The following DRC9 variants were observed in gnomAD, a reference collection of about 807,000 sequenced individuals.
DRC9 encodes the protein dynein regulatory complex protein 9.
the DRC9 span, among the ~76,000 whole-genome samples, chr3:197,892,956 A>G: frequency 6.6e-6 from 1 of 152,178 alleles, no homozygotes; most frequent in South Asian, 2.1e-4. Flanking sequence ...GATGCTGTAA[A>G]TGTTCTCTGT....
the DRC9 span, among the ~76,000 whole-genome samples, chr3:197,923,268 A>G: frequency 6.6e-6 from 1 of 152,196 alleles, no homozygotes; most frequent in African/African-American, 2.4e-5. Context: ...ACAGATGTGT[A>G]CTACCACATC....
the DRC9 span, among the ~76,000 whole-genome samples, chr3:197,892,115 C>G: frequency 6.6e-6 from 1 of 152,212 alleles, no homozygotes; most frequent in African/African-American, 2.4e-5. Context: ...GTCTCAAACT[C>G]CTGATCTCTA....
chr3:197,948,579 C>T, the DRC9 span, among the ~76,000 whole-genome samples: 2 of 152,204 alleles, frequency 1.3e-5, no homozygotes, highest in African/African-American at 4.8e-5. Context: ...TTATTCCTCC[C>T]AGGAGGACTT....
the DRC9 span, chr3:197,892,846 T>G: frequency 2.2e-5 from 34 of 1,514,132 alleles, 1 homozygote; most frequent in Non-Finnish European, 3.1e-5. Context: ...GTTTCAAGAT[T>G]AAGCAGAACA....
At chr3:197,929,147 G>A in the DRC9 span, among the ~76,000 whole-genome samples, 1 of 152,180 alleles carries the variant, frequency 6.6e-6, no homozygotes, top group African/African-American at 2.4e-5. The surrounding 1 kb of genome is among the most constrained non-coding windows in gnomAD (Gnocchi z 4.6). Flanking sequence ...GCTAAAAACA[G>A]GGGGACCAAA....
chr3:197,889,812 G>T, the DRC9 span: 1 of 1,386,210 alleles, frequency 7.2e-7, no homozygotes, highest in Non-Finnish European at 1.0e-6. Flanking sequence ...ACTTCTGTCT[G>T]ACAAACAGTC....
the DRC9 span, among the ~76,000 whole-genome samples, chr3:197,920,595 C>T: frequency 6.6e-6 from 1 of 152,120 alleles, no homozygotes; most frequent in Admixed American, 6.6e-5. Context: ...GGCCTGGTGG[C>T]ATGTGTTTTA....
chr3:197,931,833 G>C, the DRC9 span, among the ~76,000 whole-genome samples: 1 of 151,858 alleles, frequency 6.6e-6, no homozygotes, highest in African/African-American at 2.4e-5. Flanking sequence ...CACCGTGTTA[G>C]CCAGGATGGT....
At chr3:197,922,114 GTTTC>G in the DRC9 span, among the ~76,000 whole-genome samples, 2 of 152,228 alleles carry the variant, frequency 1.3e-5, no homozygotes, top group East Asian at 1.9e-4. Flanking sequence ...TCTAGTCTTG[GTTTC>G]TTTCTTTCTT....
At chr3:197,938,632 T>C in the DRC9 span, 2 of 1,614,238 alleles carry the variant, frequency 1.2e-6, no homozygotes, top group Non-Finnish European at 1.7e-6. Context: ...CTGCATTTTG[T>C]TAAACTCCAC....
At chr3:197,896,423 G>A in the DRC9 span, among the ~76,000 whole-genome samples, 3 of 151,994 alleles carry the variant, frequency 2.0e-5, no homozygotes, top group East Asian at 5.8e-4. Flanking sequence ...CTAGAGTTTG[G>A]CAAAAAATTG....
the DRC9 span, chr3:197,950,594 G>T: frequency 2.6e-6 from 1 of 377,430 alleles, no homozygotes; most frequent in East Asian, 5.2e-5. Flanking sequence ...TTGCATAAAA[G>T]TCTTACGTGT....
the DRC9 span, among the ~76,000 whole-genome samples, chr3:197,931,385 G>A: frequency 6.6e-6 from 1 of 151,966 alleles, no homozygotes; most frequent in Non-Finnish European, 1.5e-5. Context: ...CGGAGGCTGA[G>A]GCAGGGGAAT....
the DRC9 span, among the ~76,000 whole-genome samples, chr3:197,893,643 A>G: frequency 2.0e-5 from 3 of 151,238 alleles, no homozygotes; most frequent in African/African-American, 4.9e-5. Flanking sequence ...GGAGATCGAG[A>G]CCATCCTGGC....
At chr3:197,940,740 T>C in the DRC9 span, among the ~76,000 whole-genome samples, 1 of 152,170 alleles carries the variant, frequency 6.6e-6, no homozygotes, top group African/African-American at 2.4e-5. Flanking sequence ...AACCAAAAAA[T>C]ATTTTAAGAG....
At chr3:197,936,231 A>T in the DRC9 span, among the ~76,000 whole-genome samples, 1 of 152,218 alleles carries the variant, frequency 6.6e-6, no homozygotes, top group Non-Finnish European at 1.5e-5. Context: ...ATGTTATGAT[A>T]AAATAATTAT....
At chr3:197,955,678 G>T in the DRC9 span, 3 of 1,279,684 alleles carry the variant, frequency 2.3e-6, no homozygotes, top group South Asian at 3.6e-5. Context: ...AGATTTATCC[G>T]TATTACGGTT....
the DRC9 span, chr3:197,943,845 G>A: frequency 6.2e-7 from 1 of 1,614,132 alleles, no homozygotes; most frequent in Non-Finnish European, 8.5e-7. Context: ...GAGCTGGTCT[G>A]TGGTGTCCTC....
At chr3:197,893,807 C>T in the DRC9 span, among the ~76,000 whole-genome samples, 2 of 151,776 alleles carry the variant, frequency 1.3e-5, no homozygotes, top group African/African-American at 2.4e-5. Context: ...AAGATTGCGC[C>T]ACAGCACTCT....
Sources: allele counts gnomAD v4.1 joint callset (sites outside exome capture counted in the v4.1 genomes callset), GRCh38; gene constraint gnomAD v4.1.1; non-coding constraint Gnocchi (gnomAD v3.1); transcripts MANE v1.5; gene names NCBI Gene and HGNC (gene_info 2026-07-23, HGNC 2026-07-21).